SFRP1: variants seen among roughly 807,000 people sequenced by gnomAD.
SFRP1 encodes secreted frizzled related protein 1, also known as secreted frizzled-related protein 1.
In SFRP1, 9 loss-of-function variants were observed where a neutral mutation model predicts 25.9. The observed-to-expected ratio is 0.35, with a 90% CI of 0.21 to 0.61. The LOEUF is 0.61. SFRP1 is among the 20% of genes least tolerant of loss of function. The pLI is 0.78. For missense variants in SFRP1, 346 were observed against 418.2 expected, an observed-to-expected ratio of 0.83 and a Z score of 1.51; for synonymous variants, 178 against 174.0, an observed-to-expected ratio of 1.02 and a Z score of -0.18.
At chr8:41,290,313 G>A (rs1803760034) in intron 2 of SFRP1, among the ~76,000 whole-genome samples, 2 of 152,174 alleles carry the variant, frequency 1.3e-5, no homozygotes, top group African/African-American at 4.8e-5. Flanking sequence ...AGCCTCTCCT[G>A]CCTCCCTCTT....
intron 1 of SFRP1, among the ~76,000 whole-genome samples, chr8:41,304,683 C>A (rs768594317): frequency 1.3e-5 from 2 of 152,078 alleles, no homozygotes; most frequent in Non-Finnish European, 2.9e-5. Flanking sequence ...CCTTATGGCT[C>A]AGACATTGAA....
chr8:41,306,189 T>C (rs1220793957), intron 1 of SFRP1, among the ~76,000 whole-genome samples: 1 of 152,160 alleles, frequency 6.6e-6, no homozygotes, highest in African/African-American at 2.4e-5. Context: ...TGTCAAGTCA[T>C]TTCTCATTAT....
At chr8:41,267,000 C>T (rs1054925338) in intron 2 of SFRP1, among the ~76,000 whole-genome samples, 2 of 152,186 alleles carry the variant, frequency 1.3e-5, no homozygotes, top group African/African-American at 2.4e-5. Flanking sequence ...ATCAGTCAAT[C>T]GCTAATCAAC....
rs565099689 is a variant in SFRP1, at chr8:41,309,213, C to G, written c.-54G>C. ...GTCGGGGCTGCCTCCGCCGCCTCCC[C>G]GCGCGCGTCCTGCCGCAAACTTCCA... On this transcript the variant is annotated 5_prime_UTR_variant, in exon 1 of 3. Transcript: ENST00000220772. The G allele has an allele frequency of 7.9e-7, 1 of 1,265,678 alleles. No individual in the cohort carries two copies. Among genetic ancestry groups the G allele is most frequent in the African/African-American group, 1.6e-5 (1 of 63,984 alleles). 78.4% of individuals were successfully genotyped at this position (1,265,678 alleles called of 1,614,324 possible). A position where few individuals can be genotyped will look rare whatever the true frequency, so the allele number is the denominator to read the frequency against.
chr8:41,281,003 T>C (rs1803628736), intron 2 of SFRP1, among the ~76,000 whole-genome samples: 1 of 152,224 alleles, frequency 6.6e-6, no homozygotes, highest in Non-Finnish European at 1.5e-5. Context: ...CTACTGAAGA[T>C]AGTCAACATC....
At chr8:41,268,573 C>T (rs537380892) in intron 2 of SFRP1, among the ~76,000 whole-genome samples, 1 of 152,304 alleles carries the variant, frequency 6.6e-6, no homozygotes, top group South Asian at 2.1e-4. Context: ...TACTTCTTGT[C>T]TTGCCACTTG....
intron 2 of SFRP1, among the ~76,000 whole-genome samples, chr8:41,292,187 C>A (rs931163759): frequency 6.6e-6 from 1 of 152,202 alleles, no homozygotes; most frequent in South Asian, 2.1e-4. Context: ...GGGCTTAACT[C>A]GGGTTCAGAG....
rs144772698 is a variant in SFRP1, at chr8:41,277,338, G to A, written c.623-11849C>T. 1.9e-4 allele frequency among the ~76,000 whole-genome samples: 29 copies of A among 152,324 alleles called. No homozygotes were observed. In the South Asian group the frequency reaches 5.0e-3, roughly 26 times the overall value. On this transcript the variant is annotated intron_variant, in intron 2 of 2. Transcript: ENST00000220772. ...TCTGAGTCCAGGCAAACCTGCCAAGGCAAACAGCTTTTCCTACCATGGGGT... is the reference window on the plus strand; with the variant it reads ...TCTGAGTCCAGGCAAACCTGCCAAGACAAACAGCTTTTCCTACCATGGGGT...
chr8:41,307,600 T>A (rs1804014441), intron 1 of SFRP1, among the ~76,000 whole-genome samples: 1 of 152,216 alleles, frequency 6.6e-6, no homozygotes, highest in African/African-American at 2.4e-5. Context: ...TCCCTGACCC[T>A]CTCCACACCT....
At chr8:41,301,352 G>A (rs1252058933) in intron 2 of SFRP1, among the ~76,000 whole-genome samples, 4 of 152,090 alleles carry the variant, frequency 2.6e-5, no homozygotes, top group African/African-American at 9.7e-5. Flanking sequence ...TCACTTACTT[G>A]AAGTGAGCTG....
At chr8:41,272,252 G>A (rs1304722667) in intron 2 of SFRP1, among the ~76,000 whole-genome samples, 1 of 152,184 alleles carries the variant, frequency 6.6e-6, no homozygotes, top group East Asian at 1.9e-4. Context: ...GAAAGATAGT[G>A]TAAAAGAGAT....
intron 2 of SFRP1, among the ~76,000 whole-genome samples, chr8:41,293,276 T>A (rs1803800101): frequency 6.6e-6 from 1 of 152,206 alleles, no homozygotes; most frequent in Non-Finnish European, 1.5e-5. Context: ...CGTCACCCTT[T>A]GAGCTGGGTA....
intron 2 of SFRP1, chr8:41,275,062 C>T (rs1803555003): frequency 3.0e-6 from 1 of 329,732 alleles, no homozygotes; most frequent in Non-Finnish European, 6.0e-6. Flanking sequence ...TTAGTCAATC[C>T]CCATCATTTT....
chr8:41,282,404 T>C (rs1803644971), intron 2 of SFRP1, among the ~76,000 whole-genome samples: 1 of 151,994 alleles, frequency 6.6e-6, no homozygotes, highest in Admixed American at 6.6e-5. Flanking sequence ...TCCCAGCTAC[T>C]CAGAAGGCTG....
chr8:41,276,458 G>A (rs1360796107), intron 2 of SFRP1, among the ~76,000 whole-genome samples: 1 of 152,190 alleles, frequency 6.6e-6, no homozygotes, highest in Non-Finnish European at 1.5e-5. Context: ...GCCTTGCAAT[G>A]GCAGCTTAAC....
intron 2 of SFRP1, among the ~76,000 whole-genome samples, chr8:41,280,888 A>G (rs1803627530): frequency 6.6e-6 from 1 of 152,208 alleles, no homozygotes; most frequent in Non-Finnish European, 1.5e-5. Context: ...AAGCGTTCCT[A>G]GCATGCAGAA....
At chr8:41,270,637 C>T (rs1803492262) in intron 2 of SFRP1, among the ~76,000 whole-genome samples, 1 of 151,966 alleles carries the variant, frequency 6.6e-6, no homozygotes, top group South Asian at 2.1e-4. Flanking sequence ...GGCCATGAGT[C>T]CAGGTGGCTG....
chr8:41,303,589 G>T, intron 1 of SFRP1, 51 bp from the exon 2 acceptor site: 1 of 1,479,346 alleles, frequency 6.8e-7, no homozygotes. Context: ...GAGCAGGAAG[G>T]GAGCAGCCCC....
chr8:41,301,157 C>T (rs1803911604), intron 2 of SFRP1, among the ~76,000 whole-genome samples: 1 of 152,160 alleles, frequency 6.6e-6, no homozygotes, highest in Non-Finnish European at 1.5e-5. Flanking sequence ...CCCTTGTTCC[C>T]GGAGCTCACA....
Sources: gnomAD v4.1 joint callset for allele counts (sites outside exome capture counted in the v4.1 genomes callset) on GRCh38, gnomAD v4.1.1 for gene constraint, MANE v1.5 for transcripts, NCBI Gene and HGNC (gene_info 2026-07-23, HGNC 2026-07-21) for gene names.